The following HEATR5A variants were observed in gnomAD, a reference collection of about 807,000 sequenced individuals.
HEATR5A encodes the protein HEAT repeat containing 5A.
In HEATR5A, 178 loss-of-function variants were observed where a neutral mutation model predicts 218.8. The observed-to-expected ratio is 0.81, with a 90% CI of 0.72 to 0.92. HEATR5A has a LOEUF of 0.92. HEATR5A is among the 40% of genes least tolerant of loss of function. The probability of loss-of-function intolerance (pLI) is 0.00; values close to 1 mark genes in which losing one functional copy is unlikely to be tolerated. For missense variants in HEATR5A, 2,420 were observed against 2,418.9 expected, an observed-to-expected ratio of 1.00 and a Z score of -0.01; for synonymous variants, 864 against 871.6, an observed-to-expected ratio of 0.99 and a Z score of 0.15.
intron 11 of HEATR5A, among the ~76,000 whole-genome samples, chr14:31,377,492 G>T (rs566947615): frequency 6.6e-6 from 1 of 152,108 alleles, no homozygotes; most frequent in Non-Finnish European, 1.5e-5. Flanking sequence ...TAATAGCCTG[G>T]GTGCAGTGGC....
chr14:31,389,393 T>C (rs2030360053), intron 6 of HEATR5A, among the ~76,000 whole-genome samples: 1 of 152,230 alleles, frequency 6.6e-6, no homozygotes, highest in Non-Finnish European at 1.5e-5. Flanking sequence ...GCCAAAATCA[T>C]AATTTTATTT....
intron 22 of HEATR5A, among the ~76,000 whole-genome samples, chr14:31,332,918 G>A (rs1035449334): frequency 2.6e-5 from 4 of 151,668 alleles, no homozygotes; most frequent in African/African-American, 4.8e-5. Flanking sequence ...CCCGGAAGAC[G>A]GAGGTCGCAG....
intron 24 of HEATR5A, among the ~76,000 whole-genome samples, chr14:31,322,101 C>G (rs1219355755): frequency 1.3e-5 from 2 of 152,124 alleles, no homozygotes; most frequent in East Asian, 3.8e-4. Context: ...TTATGCGGCT[C>G]TTTCTATGAA....
intron 1 of HEATR5A, among the ~76,000 whole-genome samples, chr14:31,407,562 C>T (rs2031114101): frequency 9.3e-6 from 1 of 108,014 alleles, no homozygotes; most frequent in East Asian, 2.4e-4. Context: ...TAACATGTAC[C>T]TGTTATCATC....
intron 1 of HEATR5A, among the ~76,000 whole-genome samples, chr14:31,412,177 A>G (rs2031297397): frequency 2.0e-5 from 3 of 152,164 alleles, no homozygotes; most frequent in Non-Finnish European, 1.5e-5. Context: ...TATTGCTAGT[A>G]GAAGGATATA....
intron 22 of HEATR5A, chr14:31,334,278 G>A (rs556901740): frequency 2.1e-5 from 8 of 375,998 alleles, no homozygotes; most frequent in Admixed American, 6.3e-5. Flanking sequence ...ATATCCATTC[G>A]CAGATTAAGG....
Position 31,313,163 on chromosome 14 carries a change from T to C in HEATR5A, c.4246A>G (p.Lys1416Glu). The C allele has an allele frequency of 6.2e-7, 1 of 1,613,678 alleles. No homozygotes were observed. The highest frequency in any genetic ancestry group is 8.5e-7 in the Non-Finnish European group (1 of 1,179,582). The stretch of plus-strand genomic sequence containing the variant: ...GTCTTCAAAGGTTGTCTGTGGTTTT[T>C]ATGTCTTTGCACAGCAATTATGTAG... ...EVYIIAVQRH[K>E]NHRQPLKTTT... Residue 1416 changes from lysine to glutamate, a missense_variant, in exon 28 of 36, where the codon AAA (lysine) becomes GAA (glutamate). By Grantham distance (56) the Lys-to-Glu change is moderately conservative. Coordinates refer to ENST00000543095, the MANE Select transcript of HEATR5A (RefSeq NM_015473.4).
chr14:31,390,577 A>C (rs1432278911), intron 6 of HEATR5A, among the ~76,000 whole-genome samples: 1 of 152,220 alleles, frequency 6.6e-6, no homozygotes, highest in Admixed American at 6.5e-5. Flanking sequence ...CACGTACTAC[A>C]TAAGGACATT....
At chr14:31,303,637 C>T (rs756754211) in intron 32 of HEATR5A, among the ~76,000 whole-genome samples, 1 of 152,012 alleles carries the variant, frequency 6.6e-6, no homozygotes, top group Non-Finnish European at 1.5e-5. Context: ...AGCTACAGAC[C>T]TACATATGGA....
intron 3 of HEATR5A, among the ~76,000 whole-genome samples, 187 bp downstream of exon 3, chr14:31,400,113 AT>A (rs1039623490): frequency 2.6e-5 from 4 of 152,222 alleles, no homozygotes; most frequent in African/African-American, 9.6e-5. Context: ...CGTCTAAAGT[AT>A]TTGTAGAATT....
intron 4 of HEATR5A, among the ~76,000 whole-genome samples, chr14:31,396,820 A>T (rs1240789087): frequency 1.3e-5 from 2 of 152,214 alleles, no homozygotes; most frequent in Non-Finnish European, 1.5e-5. Flanking sequence ...AAAAAAATTT[A>T]AAAAATAGGG....
At chr14:31,410,030 G>A (rs1167937098) in intron 1 of HEATR5A, among the ~76,000 whole-genome samples, 1 of 152,132 alleles carries the variant, frequency 6.6e-6, no homozygotes, top group African/African-American at 2.4e-5. Context: ...GAGGACATTG[G>A]ACATGAGATA....
At chr14:31,301,804 CTTT>C (rs1899386975) in intron 33 of HEATR5A, among the ~76,000 whole-genome samples, 1 of 99,746 alleles carries the variant, frequency 1.0e-5, no homozygotes, top group African/African-American at 3.4e-5. Flanking sequence ...CAGAACACAG[CTTT>C]CTTTTTTTTT....
At chr14:31,307,322 T>C (rs552333906) in intron 30 of HEATR5A, among the ~76,000 whole-genome samples, 1 of 152,224 alleles carries the variant, frequency 6.6e-6, no homozygotes, top group Non-Finnish European at 1.5e-5. Flanking sequence ...ATCTGCCCAA[T>C]GCATACTTGC....
chr14:31,381,841 T>G (rs1056981146), intron 10 of HEATR5A, among the ~76,000 whole-genome samples: 3 of 152,184 alleles, frequency 2.0e-5, no homozygotes, highest in Non-Finnish European at 4.4e-5. Context: ...ACATTTCACA[T>G]TTATGGATAA....
chr14:31,353,497 C>T (rs1055731087), intron 16 of HEATR5A, among the ~76,000 whole-genome samples: 13 of 151,940 alleles, frequency 8.6e-5, no homozygotes, highest in Admixed American at 2.0e-4. Flanking sequence ...GCACTTTGGG[C>T]GGCAGAGGCA....
chr14:31,371,672 A>T (rs1451471946), intron 13 of HEATR5A, 138 bp downstream of exon 13: 1 of 370,806 alleles, frequency 2.7e-6, no homozygotes, highest in Non-Finnish European at 4.9e-6. Flanking sequence ...ATCCTAGCCT[A>T]AAAAAAAATC....
chr14:31,344,395 C>A lies in HEATR5A; in HGVS notation c.3059-330G>T, dbSNP rs754335108. 2.3e-4 allele frequency among the ~76,000 whole-genome samples: 35 copies of A among 150,066 alleles called. 1 individual carries two copies. Among genetic ancestry groups the A allele is most frequent in the South Asian group, 1.5e-3 (7 of 4,754 alleles). Reference sequence around the variant, plus strand: ...CGGGTTCAAGTGATTCTCCTGCCTCCGGTCTCCCGAGTAGCTGGGACTACA... The same window carrying A: ...CGGGTTCAAGTGATTCTCCTGCCTCAGGTCTCCCGAGTAGCTGGGACTACA... On this transcript the variant is annotated intron_variant, in intron 20 of 35. Coordinates refer to ENST00000543095, the MANE Select transcript of HEATR5A (RefSeq NM_015473.4).
At chr14:31,334,290 G>C (rs1595108075) in intron 22 of HEATR5A, 1 of 392,000 alleles carries the variant, frequency 2.6e-6, no homozygotes, top group East Asian at 7.2e-5. Context: ...AGATTAAGGA[G>C]TCATTTTGAT....
Sources: gnomAD v4.1 joint callset for allele counts (sites outside exome capture counted in the v4.1 genomes callset) on GRCh38, gnomAD v4.1.1 for gene constraint, MANE v1.5 for transcripts, NCBI Gene and HGNC (gene_info 2026-07-23, HGNC 2026-07-21) for gene names.